PRMT8: variants seen among roughly 807,000 people sequenced by gnomAD.
PRMT8 encodes the protein protein arginine N-methyltransferase 8.
A neutral mutation model predicts 47.1 loss-of-function variants in PRMT8; 7 were observed. That is an observed-to-expected ratio of 0.15 (90% CI 0.08 to 0.28). The LOEUF (loss-of-function observed/expected upper bound fraction) is 0.28. PRMT8 is among the 10% of genes least tolerant of loss of function. The pLI is 1.00. For synonymous variants in PRMT8, 188 were observed against 186.5 expected, an observed-to-expected ratio of 1.01 and a Z score of -0.07; for missense variants, 237 against 505.4, an observed-to-expected ratio of 0.47 and a Z score of 5.09.
chr12:3,577,116 G>T, intron 7 of PRMT8, 130 bp downstream of exon 7: 1 of 734,110 alleles, frequency 1.4e-6, no homozygotes, highest in Non-Finnish European at 2.4e-6. Flanking sequence ...CAGAGCCTGT[G>T]ATGCTCCCTA....
chr12:3,384,952 C>T (rs566028622), intron 1 of PRMT8, among the ~76,000 whole-genome samples: 64 of 110,876 alleles, frequency 5.8e-4, no homozygotes, highest in African/African-American at 2.1e-3. Flanking sequence ...CTGGGTGTGG[C>T]GGGTGGGGGG....
intron 4 of PRMT8, among the ~76,000 whole-genome samples, chr12:3,556,850 C>T (rs1010416341): frequency 6.6e-6 from 1 of 151,526 alleles, no homozygotes; most frequent in Admixed American, 6.6e-5. Context: ...CTTTGCCTTG[C>T]ACAGGTGGAG....
At position 3,592,322 on chromosome 12, in the gene PRMT8, C is replaced by T; in HGVS notation, c.1071C>T (p.Thr357=). 6.3e-7 allele frequency: 1 copy of T among 1,598,896 alleles called. No individual in the cohort carries two copies. The highest frequency in any genetic ancestry group is 8.5e-7 in the Non-Finnish European group (1 of 1,173,862). ...GGAGGGGGGAGGAAATCTACGGGAC[C>T]ATATCCATGAAGCCAAATGCCAAAA... is the stretch of plus-strand genomic sequence containing the variant. ...TVRRGEEIYG[T]ISMKPNAKNV... Residue 357 remains threonine, a synonymous_variant, in exon 9 of 10, where the codon ACC becomes ACT. Transcript: ENST00000382622.
Position 3,436,315 on chromosome 12 carries a change from A to C in PRMT8, c.48+54873A>C, listed in dbSNP as rs117365696. Among the ~76,000 whole-genome samples the C allele has an allele frequency of 6.6e-6, 1 of 152,106 alleles. No individual in the cohort carries two copies. Among genetic ancestry groups the C allele is most frequent in the East Asian group, 1.9e-4 (1 of 5,172 alleles). On this transcript the variant is annotated intron_variant, in intron 1 of 9. Transcript: ENST00000452611. This position sits in a 1 kb window ranked among gnomAD's most constrained non-coding sequence, Gnocchi z 4.2. The stretch of plus-strand genomic sequence containing the variant: ...ACTCACTTGCTTTTCAAACCTCTTA[A>C]TACAGTTACCACAGACACAGTGAGT...
chr12:3,528,026 T>C (rs1282932466), intron 1 of PRMT8, among the ~76,000 whole-genome samples: 2 of 152,182 alleles, frequency 1.3e-5, no homozygotes, highest in Admixed American at 6.5e-5. Context: ...ATTCTTATCT[T>C]AGTTCCTTTG....
intron 1 of PRMT8, among the ~76,000 whole-genome samples, chr12:3,387,754 T>C (rs983017153): frequency 6.6e-6 from 1 of 152,240 alleles, no homozygotes; most frequent in East Asian, 1.9e-4. Flanking sequence ...GTTTCACTAA[T>C]TGATTTATTT....
At chr12:3,395,957 C>A (rs1179120476) in intron 1 of PRMT8, among the ~76,000 whole-genome samples, 1 of 151,288 alleles carries the variant, frequency 6.6e-6, no homozygotes, top group African/African-American at 2.4e-5. Context: ...ATCCCTTTAC[C>A]ATTATGTAAT....
chr12:3,458,635 G>A (rs2137086286), intron 1 of PRMT8, among the ~76,000 whole-genome samples: 1 of 152,344 alleles, frequency 6.6e-6, no homozygotes, highest in Admixed American at 6.5e-5. Flanking sequence ...CAGTATATCT[G>A]TCCTGTTCCA....
intron 3 of PRMT8, chr12:3,553,095 A>C: frequency 4.9e-6 from 1 of 202,250 alleles, no homozygotes; most frequent in Non-Finnish European, 1.0e-5. Context: ...ATTAAAAGGA[A>C]TAATTTCTTT....
intron 1 of PRMT8, among the ~76,000 whole-genome samples, chr12:3,446,688 C>T (rs1864858902): frequency 6.6e-6 from 1 of 152,202 alleles, no homozygotes; most frequent in Non-Finnish European, 1.5e-5. Context: ...GATCCCTGGG[C>T]AAATGCCGGA....
Position 3,412,361 on chromosome 12 carries a change from G to T in PRMT8, c.48+30919G>T, listed in dbSNP as rs1002957017. ...GTCAGTGAGTGAATGGTGAGTAAAT[G>T]TGAAGACCTAGAACTACTGTGAACT... is the stretch of plus-strand genomic sequence containing the variant. On this transcript the variant is annotated intron_variant, in intron 1 of 9. Transcript: ENST00000452611. Among the ~76,000 whole-genome samples the T allele has an allele frequency of 1.6e-4, 25 of 152,212 alleles. 1 individual carries two copies. The highest frequency in any genetic ancestry group is 5.1e-4 in the African/African-American group (21 of 41,458).
At chr12:3,497,323 T>C (rs1865526262) in intron 1 of PRMT8, among the ~76,000 whole-genome samples, 1 of 152,170 alleles carries the variant, frequency 6.6e-6, no homozygotes, top group Non-Finnish European at 1.5e-5. Flanking sequence ...GAGAACCACC[T>C]AACCGAAGAT....
rs79322715 is a variant in PRMT8 at position 3,565,304 on chromosome 12, T to C, written c.482-3402T>C. On this transcript the variant is annotated intron_variant, in intron 4 of 9. Coordinates refer to ENST00000382622, the MANE Select transcript of PRMT8 (RefSeq NM_019854.5). ...GAGGAAAATAAAAGAGAGGAGATGT[T>C]TGATTGAGATTAGCTGTCACCTGGA... Among the ~76,000 whole-genome samples, 6 of 152,202 alleles carry C rather than the reference T, an allele frequency of 3.9e-5. No individual in the cohort carries two copies. In the East Asian group the frequency reaches 1.2e-3, roughly 29 times the overall value.
At chr12:3,474,436 C>G in intron 1 of PRMT8, among the ~76,000 whole-genome samples, 1 of 152,154 alleles carries the variant, frequency 6.6e-6, no homozygotes, top group East Asian at 1.9e-4. Context: ...GCATGCGGGA[C>G]CCATGGTTTC....
At chr12:3,565,682 A>T (rs988044007) in intron 4 of PRMT8, among the ~76,000 whole-genome samples, 1 of 152,186 alleles carries the variant, frequency 6.6e-6, no homozygotes, top group Non-Finnish European at 1.5e-5. Flanking sequence ...GCTATCATCT[A>T]TCTGTCTTCT....
In PRMT8 at chr12:3,573,587, A is replaced by T. The variant is rs186591961; in HGVS notation, c.713-3284A>T. On this transcript the variant is annotated intron_variant, in intron 6 of 9. Coordinates refer to ENST00000382622, the MANE Select transcript of PRMT8 (RefSeq NM_019854.5). Reference sequence around the variant, plus strand: ...TGTGAGTAAAAGGACCAGTAGAGACAGGTGAATCACACCTATGTCCAGAAA... The same window carrying T: ...TGTGAGTAAAAGGACCAGTAGAGACTGGTGAATCACACCTATGTCCAGAAA... Among the ~76,000 whole-genome samples the T allele has an allele frequency of 1.1e-4, 17 of 152,358 alleles. No individual in the cohort carries two copies. In the East Asian group the frequency reaches 3.1e-3, roughly 28 times the overall value.
At chr12:3,578,944 C>G (rs569705462) in intron 7 of PRMT8, among the ~76,000 whole-genome samples, 2 of 152,292 alleles carry the variant, frequency 1.3e-5, no homozygotes, top group East Asian at 1.9e-4. Context: ...GCCTCAGACT[C>G]TCCATTCACA....
At chr12:3,404,801 TTAAAA>T (rs1299078614) in intron 1 of PRMT8, among the ~76,000 whole-genome samples, 2 of 152,230 alleles carry the variant, frequency 1.3e-5, no homozygotes. Flanking sequence ...TCAATTTTTG[TTAAAA>T]TATATTAAAA....
intron 7 of PRMT8, among the ~76,000 whole-genome samples, chr12:3,579,421 C>A (rs1463599894): frequency 6.6e-6 from 1 of 152,112 alleles, no homozygotes; most frequent in African/African-American, 2.4e-5. Context: ...TTGGTTAGAC[C>A]TGAGCATATC....
Sources: allele counts gnomAD v4.1 joint callset (sites outside exome capture counted in the v4.1 genomes callset), GRCh38; gene constraint gnomAD v4.1.1; non-coding constraint Gnocchi (gnomAD v3.1); transcripts MANE v1.5; gene names NCBI Gene and HGNC (gene_info 2026-07-23, HGNC 2026-07-21).